Variants in RBFOX1 observed in about 807,000 individuals in gnomAD.
RBFOX1 encodes the protein RNA binding fox-1 homolog 1.
Under a neutral mutation model 57.7 loss-of-function variants are expected in RBFOX1, and 8 were observed. That is an observed-to-expected ratio of 0.14 (90% CI 0.08 to 0.25). The LOEUF is 0.25. RBFOX1 is among the 10% of genes least tolerant of loss of function. The probability of loss-of-function intolerance (pLI) is 1.00; values close to 1 mark genes in which losing one functional copy is unlikely to be tolerated. For missense variants in RBFOX1, 611 were observed against 548.5 expected, an observed-to-expected ratio of 1.11 and a Z score of -1.14; for synonymous variants, 326 against 222.4, an observed-to-expected ratio of 1.47 and a Z score of -4.15.
intron 4 of RBFOX1, among the ~76,000 whole-genome samples, chr16:7,497,497 G>C (rs548663021): frequency 6.6e-6 from 1 of 152,178 alleles, no homozygotes; most frequent in South Asian, 2.1e-4. Flanking sequence ...TTTGATCATC[G>C]ATTTTTTGGT....
chr16:5,728,480 C>G (rs955373022), intron 3 of RBFOX1, among the ~76,000 whole-genome samples: 1 of 152,164 alleles, frequency 6.6e-6, no homozygotes, highest in Non-Finnish European at 1.5e-5. Context: ...GTGGAGTTCC[C>G]CTGGAGTGAG....
At chr16:6,882,617 A>T (rs2063179915) in intron 3 of RBFOX1, among the ~76,000 whole-genome samples, 1 of 152,076 alleles carries the variant, frequency 6.6e-6, no homozygotes, top group African/African-American at 2.4e-5. Context: ...AAATAAATAA[A>T]TAAGATCATG....
At chr16:6,560,110 T>C (rs1350820906) in intron 2 of RBFOX1, among the ~76,000 whole-genome samples, 3 of 149,832 alleles carry the variant, frequency 2.0e-5, no homozygotes, top group Non-Finnish European at 3.0e-5. Flanking sequence ...TATCACATTG[T>C]GCGGTGGGGT....
In RBFOX1 at chr16:7,595,957, T is replaced by C. The variant is rs565680268; in HGVS notation, c.561+316T>C. ...AATGGGTGCAGTAGGTTCCAAAGAATAGACAGTATTGCAAACCAAACAAAA... is the reference window on the plus strand; with the variant it reads ...AATGGGTGCAGTAGGTTCCAAAGAACAGACAGTATTGCAAACCAAACAAAA... On this transcript the variant is annotated intron_variant, in intron 8 of 15. Coordinates refer to ENST00000550418, the MANE Select transcript of RBFOX1 (RefSeq NM_018723.4). Among the ~76,000 whole-genome samples the C allele has an allele frequency of 4.6e-5, 7 of 151,730 alleles. No individual in the cohort carries two copies. In the South Asian group the frequency reaches 6.2e-4, roughly 13 times the overall value.
chr16:6,721,442 C>G (rs900943871), intron 3 of RBFOX1, among the ~76,000 whole-genome samples: 39 of 152,004 alleles, frequency 2.6e-4, no homozygotes, highest in African/African-American at 8.0e-4. Context: ...GACTCTGTCT[C>G]AAAAACAACA....
chr16:7,504,166 T>C (rs2071963962), intron 4 of RBFOX1, among the ~76,000 whole-genome samples: 1 of 152,094 alleles, frequency 6.6e-6, no homozygotes, highest in African/African-American at 2.4e-5. Context: ...CCTGAGATAA[T>C]TTTCTTAGCG....
At chr16:6,584,521 C>G (rs1461238278) in intron 2 of RBFOX1, among the ~76,000 whole-genome samples, 1 of 151,968 alleles carries the variant, frequency 6.6e-6, no homozygotes, top group Admixed American at 6.6e-5. Flanking sequence ...CCCTTCCCCA[C>G]CACACCCAGC....
intron 2 of RBFOX1, among the ~76,000 whole-genome samples, chr16:6,644,099 C>G (rs75264062): frequency 2.6e-5 from 4 of 152,096 alleles, no homozygotes; most frequent in South Asian, 2.1e-4. Flanking sequence ...GCACTCCAAC[C>G]TGGGCAACAG....
intron 3 of RBFOX1, among the ~76,000 whole-genome samples, chr16:6,822,541 A>C (rs1463888900): frequency 1.3e-5 from 2 of 152,236 alleles, no homozygotes; most frequent in Non-Finnish European, 2.9e-5. Flanking sequence ...GCTAGAGATA[A>C]AACATGTCTT....
chr16:6,491,099 C>G (rs149282199), intron 2 of RBFOX1, among the ~76,000 whole-genome samples: 1 of 151,662 alleles, frequency 6.6e-6, no homozygotes. Flanking sequence ...TTAAATTATA[C>G]GTGTATATAT....
At chr16:6,396,060 C>T (rs6500780) in intron 2 of RBFOX1, among the ~76,000 whole-genome samples, 34,639 of 119,770 alleles carry the variant, frequency 0.29, 4,973 homozygotes, top group African/African-American at 0.4. Flanking sequence ...AGCAAGACTC[C>T]TTCTCAAAAA....
intron 4 of RBFOX1, among the ~76,000 whole-genome samples, chr16:7,127,422 C>G (rs2068889014): frequency 6.6e-6 from 1 of 152,130 alleles, no homozygotes; most frequent in African/African-American, 2.4e-5. Context: ...CCACTATTAT[C>G]CCCATCTTAT....
intron 4 of RBFOX1, among the ~76,000 whole-genome samples, chr16:7,352,565 T>G (rs574629341): frequency 6.6e-6 from 1 of 152,240 alleles, no homozygotes; most frequent in African/African-American, 2.4e-5. Flanking sequence ...TTTGCAGCCA[T>G]TCTCCAGGAA....
At chr16:5,771,625 T>G (rs1597186564) in intron 3 of RBFOX1, among the ~76,000 whole-genome samples, 1 of 152,124 alleles carries the variant, frequency 6.6e-6, no homozygotes, top group South Asian at 2.1e-4. Context: ...CCCAGGCTGG[T>G]CTTGAACTTC....
At chr16:7,613,961 G>T (rs535706838) in intron 10 of RBFOX1, among the ~76,000 whole-genome samples, 5 of 152,318 alleles carry the variant, frequency 3.3e-5, no homozygotes, top group African/African-American at 1.2e-4. Flanking sequence ...TAGGTATAAA[G>T]CATGCCCTGT....
chr16:7,006,363 C>T (rs1159971627), intron 3 of RBFOX1, among the ~76,000 whole-genome samples: 2 of 152,066 alleles, frequency 1.3e-5, no homozygotes, highest in Non-Finnish European at 1.5e-5. Flanking sequence ...TCATGTTGGC[C>T]AGGATGGTCT....
At chr16:7,004,349 GT>G (rs2093113045) in intron 3 of RBFOX1, among the ~76,000 whole-genome samples, 1 of 152,110 alleles carries the variant, frequency 6.6e-6, no homozygotes, top group Non-Finnish European at 1.5e-5. Context: ...CAACATCAGG[GT>G]AAAAGCAAAG....
chr16:5,431,193 C>T (rs976804425), intron 1 of RBFOX1, among the ~76,000 whole-genome samples: 3 of 152,148 alleles, frequency 2.0e-5, no homozygotes, highest in South Asian at 2.1e-4. Flanking sequence ...ATTGTGTTGT[C>T]GGAGATAACT....
chr16:7,547,995 G>A (rs967712867), intron 5 of RBFOX1, among the ~76,000 whole-genome samples: 1 of 152,190 alleles, frequency 6.6e-6, no homozygotes, highest in Non-Finnish European at 1.5e-5. Context: ...ATTTGCCCGT[G>A]TGTAGTGCCT....
Sources: gnomAD v4.1 joint callset for allele counts (sites outside exome capture counted in the v4.1 genomes callset) on GRCh38, gnomAD v4.1.1 for gene constraint, MANE v1.5 for transcripts, NCBI Gene and HGNC (gene_info 2026-07-23, HGNC 2026-07-21) for gene names.